The following SENP6 variants were observed in gnomAD, a reference collection of about 807,000 sequenced individuals.
SENP6 encodes the protein sentrin-specific protease 6.
A neutral mutation model predicts 134.5 loss-of-function variants in SENP6; 41 were observed. The observed-to-expected ratio is 0.30, with a 90% CI of 0.24 to 0.40. The LOEUF (loss-of-function observed/expected upper bound fraction) is 0.40. SENP6 is among the 10% of genes least tolerant of loss of function. SENP6 has a pLI of 1.00. For synonymous variants in SENP6, 395 were observed against 429.8 expected (o/e 0.92, Z 1.00); for missense variants, 1,248 against 1,312.5 (o/e 0.95, Z 0.76).
intron 1 of SENP6, among the ~76,000 whole-genome samples, chr6:75,612,645 T>C (rs1240876129): frequency 6.6e-6 from 1 of 152,096 alleles, no homozygotes; most frequent in East Asian, 1.9e-4. Flanking sequence ...ACGTAGAAAT[T>C]AAAACATCAC....
At chr6:75,669,979 G>A (rs1442012487) in intron 10 of SENP6, among the ~76,000 whole-genome samples, 1 of 151,968 alleles carries the variant, frequency 6.6e-6, no homozygotes, top group Non-Finnish European at 1.5e-5. Context: ...TGTTGCCCAG[G>A]CTGGAGTGCG....
chr6:75,716,783 A>C lies in SENP6; in HGVS notation c.*1189A>C. ...AACATATTTTAGTCATTTTTTGTTA[A>C]ATATTGAATTTTTAAATACACATAT... On this transcript the variant is annotated 3_prime_UTR_variant, in exon 24 of 24. Transcript: ENST00000447266. 1 of 152,070 alleles carries C rather than the reference A, an allele frequency of 6.6e-6. No homozygotes were observed. Among genetic ancestry groups the C allele is most frequent in the East Asian group, 1.9e-4 (1 of 5,192 alleles). The allele number at this position is 152,070 out of a possible 1,614,324, so 9.4% of individuals were successfully genotyped here. A position where few individuals can be genotyped will look rare whatever the true frequency, so the allele number is the denominator to read the frequency against.
At chr6:75,626,561 C>G (rs183013189) in intron 3 of SENP6, among the ~76,000 whole-genome samples, 75 of 152,016 alleles carry the variant, frequency 4.9e-4, no homozygotes, top group African/African-American at 1.8e-3. Context: ...ATTTTTTTCC[C>G]CCAGTCTTTT....
At chr6:75,693,380 G>C (rs1319548195) in intron 16 of SENP6, among the ~76,000 whole-genome samples, 1 of 148,942 alleles carries the variant, frequency 6.7e-6, no homozygotes, top group Non-Finnish European at 1.5e-5. Flanking sequence ...CTGCAGCCTG[G>C]GAGACAGAGT....
intron 8 of SENP6, among the ~76,000 whole-genome samples, chr6:75,662,935 T>A (rs1771896050): frequency 6.6e-6 from 1 of 152,206 alleles, no homozygotes; most frequent in Non-Finnish European, 1.5e-5. Flanking sequence ...AGCTGACTGC[T>A]AGACTAGATA....
Position 75,716,449 on chromosome 6 carries a change from AT to A in SENP6, c.*858del, listed in dbSNP as rs930347492. On this transcript the variant is annotated 3_prime_UTR_variant, in exon 24 of 24. Transcript: ENST00000447266. The stretch of plus-strand genomic sequence containing the variant: ...TGTAAACACAGGAATTTAAATAGGA[AT>A]TTACTATTTTTTTATAAAGCTTTTG... 1 of 151,976 alleles carries A rather than the reference AT, an allele frequency of 6.6e-6. No homozygotes were observed. Among genetic ancestry groups the A allele is most frequent in the African/African-American group, 2.4e-5 (1 of 41,454 alleles). The allele number at this position is 151,976 out of a possible 1,614,324, so 9.4% of individuals were successfully genotyped here. A position where few individuals can be genotyped will look rare whatever the true frequency, so the allele number is the denominator to read the frequency against.
intron 10 of SENP6, among the ~76,000 whole-genome samples, chr6:75,668,367 A>G (rs569288546): frequency 2.0e-5 from 3 of 152,328 alleles, no homozygotes; most frequent in South Asian, 4.1e-4. Context: ...TGATAGGTAG[A>G]TGCAAATGGA....
At chr6:75,683,136 AT>A (rs1773580992) in intron 16 of SENP6, among the ~76,000 whole-genome samples, 1 of 151,960 alleles carries the variant, frequency 6.6e-6, no homozygotes, top group African/African-American at 2.4e-5. Flanking sequence ...GTGGTTTTTG[AT>A]TTGCATTTCT....
At chr6:75,640,840 GTAA>G (rs1769973762) in intron 6 of SENP6, 136 bp downstream of exon 6, 2 of 467,446 alleles carry the variant, frequency 4.3e-6, no homozygotes, top group Non-Finnish European at 7.5e-6. Context: ...TAGTTGACAT[GTAA>G]TAATTGTACA....
At position 75,675,576 on chromosome 6, in the gene SENP6, T is replaced by C. The variant is rs989873629; in HGVS notation, c.1426+108T>C. 5 of 718,956 alleles carry C rather than the reference T, an allele frequency of 7.0e-6. No individual in the cohort carries two copies. The African/African-American group carries it at 7.3e-5, about 10-fold the overall frequency. The allele number at this position is 718,956 out of a possible 1,614,324, so 44.5% of individuals were successfully genotyped here. On this transcript the variant is annotated intron_variant, in intron 12 of 23. Coordinates refer to ENST00000447266, the MANE Select transcript of SENP6 (RefSeq NM_015571.4). Reference sequence around the variant, plus strand: ...CATAGAATTTATTAAGATGGTTAGTTGTTACATATATCTTCTTATCAAAGG... The same window carrying C: ...CATAGAATTTATTAAGATGGTTAGTCGTTACATATATCTTCTTATCAAAGG...
chr6:75,687,804 G>A (rs551966588), intron 16 of SENP6, among the ~76,000 whole-genome samples: 14 of 152,312 alleles, frequency 9.2e-5, no homozygotes, highest in Non-Finnish European at 1.9e-4. Flanking sequence ...TATGTGAGGT[G>A]TCTGTCGGCC....
intron 18 of SENP6, among the ~76,000 whole-genome samples, chr6:75,701,631 A>G (rs1451315870): frequency 2.0e-5 from 2 of 99,468 alleles, no homozygotes; most frequent in African/African-American, 7.6e-5. Flanking sequence ...AGACAGTTTA[A>G]TCTTTTTTTT....
At chr6:75,713,644 G>A in intron 22 of SENP6, 31 bp from the exon 23 acceptor site, 1 of 1,583,724 alleles carries the variant, frequency 6.3e-7, no homozygotes, top group Non-Finnish European at 8.7e-7. Flanking sequence ...TTATATATGT[G>A]TGTATTCTTA....
intron 11 of SENP6, among the ~76,000 whole-genome samples, chr6:75,674,249 T>C (rs192306510): frequency 3.0e-4 from 45 of 150,936 alleles, no homozygotes; most frequent in African/African-American, 1.1e-3. Flanking sequence ...CTTGAACTCC[T>C]AGGCACAAGC....
chr6:75,706,064 C>T (rs891995239), intron 19 of SENP6, among the ~76,000 whole-genome samples: 5 of 150,828 alleles, frequency 3.3e-5, no homozygotes, highest in African/African-American at 9.8e-5. Context: ...GCCTCAGCCT[C>T]CCTAGTAGCT....
intron 3 of SENP6, among the ~76,000 whole-genome samples, chr6:75,626,141 T>C (rs1175673732): frequency 1.3e-5 from 2 of 151,790 alleles, no homozygotes; most frequent in Non-Finnish European, 2.9e-5. Flanking sequence ...GTTGTTGTTG[T>C]TGTTTTTTAA....
intron 10 of SENP6, 58 bp downstream of exon 10, chr6:75,666,999 A>T: frequency 3.2e-6 from 4 of 1,239,946 alleles, no homozygotes. Flanking sequence ...TGGGGTGTAA[A>T]TTTTTTTTAG....
intron 16 of SENP6, among the ~76,000 whole-genome samples, chr6:75,689,015 G>A (rs542165203): frequency 1.3e-5 from 2 of 152,256 alleles, no homozygotes; most frequent in South Asian, 2.1e-4. Flanking sequence ...GCGGGGAGCC[G>A]AGATCATGCC....
chr6:75,681,026 A>G (rs974521572), intron 16 of SENP6, among the ~76,000 whole-genome samples: 1 of 152,242 alleles, frequency 6.6e-6, no homozygotes, highest in African/African-American at 2.4e-5. Context: ...CTCAAACTGA[A>G]TGAGAAAAGA....
Sources: gnomAD v4.1 joint callset for allele counts (sites outside exome capture counted in the v4.1 genomes callset) on GRCh38, gnomAD v4.1.1 for gene constraint, MANE v1.5 for transcripts, NCBI Gene and HGNC (gene_info 2026-07-23, HGNC 2026-07-21) for gene names.